Variants in ARMC2 observed in about 807,000 individuals in gnomAD.
The protein encoded by ARMC2 is armadillo repeat-containing protein 2.
ARMC2 carries 67 observed loss-of-function variants against 90.3 expected under a neutral mutation model. The observed-to-expected ratio is 0.74, with a 90% CI of 0.61 to 0.91. The LOEUF is 0.91. Ranked by LOEUF, ARMC2 falls within the 40% of genes least tolerant of loss-of-function variation. The pLI, the probability that ARMC2 is intolerant of heterozygous loss-of-function variation, is 0.00. For synonymous variants in ARMC2, 393 were observed against 393.0 expected (o/e 1.00, Z 0.00); for missense variants, 920 against 1,030.9 (o/e 0.89, Z 1.47).
intron 16 of ARMC2, 98 bp downstream of exon 16, chr6:108,964,410 T>C: frequency 7.3e-7 from 1 of 1,371,476 alleles, no homozygotes; most frequent in Non-Finnish European, 9.9e-7. Context: ...GGGGCAAAGG[T>C]ATTTCAACAT....
downstream of ARMC2, among the ~76,000 whole-genome samples, chr6:108,975,058 G>C (rs2145766): frequency 0.19 from 28,153 of 151,500 alleles, 3,098 homozygotes; most frequent in African/African-American, 0.3. Context: ...GCAGAATGTG[G>C]AGGTTTGTTA....
chr6:108,880,732 C>T (rs1374055253), intron 5 of ARMC2, among the ~76,000 whole-genome samples: 4 of 148,044 alleles, frequency 2.7e-5, no homozygotes, highest in Non-Finnish European at 6.0e-5. Flanking sequence ...CCCCTTCCCT[C>T]TCCCTCTTCT....
intron 8 of ARMC2, among the ~76,000 whole-genome samples, chr6:108,910,242 T>C (rs1773272942): frequency 6.6e-6 from 1 of 152,064 alleles, no homozygotes; most frequent in African/African-American, 2.4e-5. Context: ...GGTGGGAGGA[T>C]TGTTTGAGCC....
chr6:109,003,214 A>T, the ARMC2 span, among the ~76,000 whole-genome samples: 50 of 151,634 alleles, frequency 3.3e-4, no homozygotes, highest in South Asian at 3.7e-3. Context: ...TCATTTAAAA[A>T]TTTTTTTTAG....
intron 11 of ARMC2, among the ~76,000 whole-genome samples, chr6:108,935,849 C>CA (rs1176413910): frequency 6.6e-6 from 1 of 151,174 alleles, no homozygotes; most frequent in Non-Finnish European, 1.5e-5. Flanking sequence ...CTTACATTTC[C>CA]AAAAAAAAGG....
intron 13 of ARMC2, 108 bp from the exon 14 acceptor site, chr6:108,961,464 C>T (rs1204505617): frequency 4.0e-6 from 5 of 1,258,838 alleles, no homozygotes; most frequent in Non-Finnish European, 5.4e-6. Flanking sequence ...TTGTAGGGAC[C>T]CTGCGTGATC....
chr6:108,854,784 G>C (rs893001686), intron 2 of ARMC2, among the ~76,000 whole-genome samples: 4 of 152,138 alleles, frequency 2.6e-5, no homozygotes, highest in African/African-American at 9.7e-5. Context: ...TTCACTCTTG[G>C]TGTTGTACAT....
the ARMC2 span, among the ~76,000 whole-genome samples, chr6:109,032,007 A>C: frequency 6.6e-6 from 1 of 152,304 alleles, no homozygotes; most frequent in African/African-American, 2.4e-5. Flanking sequence ...GGCATAAATA[A>C]AATTTCGTGT....
At chr6:108,993,048 T>C in the ARMC2 span, 1 of 580,746 alleles carries the variant, frequency 1.7e-6, no homozygotes, top group Admixed American at 3.3e-5. Flanking sequence ...CAAAGTAGTT[T>C]ACTTGCTAGT....
intron 5 of ARMC2, among the ~76,000 whole-genome samples, chr6:108,878,145 CATTAATG>C (rs1368630193): frequency 2.6e-5 from 4 of 152,184 alleles, no homozygotes; most frequent in Admixed American, 2.6e-4. Context: ...GCAATTCTTT[CATTAATG>C]ATGTTAATGA....
intron 1 of ARMC2, among the ~76,000 whole-genome samples, chr6:108,852,089 T>A (rs1245132181): frequency 1.3e-5 from 2 of 152,172 alleles, no homozygotes; most frequent in Non-Finnish European, 2.9e-5. Context: ...GACTATTGTG[T>A]TATGGTTCAG....
intron 12 of ARMC2, among the ~76,000 whole-genome samples, chr6:108,952,317 T>C (rs1777250427): frequency 6.6e-6 from 1 of 152,242 alleles, no homozygotes; most frequent in Admixed American, 6.5e-5. Flanking sequence ...TTGTGAAATA[T>C]AGCCTATATA....
chr6:108,892,534 C>T (rs1043057675), intron 5 of ARMC2, among the ~76,000 whole-genome samples: 8 of 151,660 alleles, frequency 5.3e-5, no homozygotes, highest in South Asian at 4.1e-4. Context: ...CCGAGGCAGG[C>T]GGATCACCTG....
At chr6:109,028,519 C>T in the ARMC2 span, among the ~76,000 whole-genome samples, 2 of 152,016 alleles carry the variant, frequency 1.3e-5, no homozygotes, top group South Asian at 4.2e-4. Context: ...TATATTAACT[C>T]CATGCAGCAA....
At chr6:108,939,402 C>G (rs943066340) in intron 12 of ARMC2, among the ~76,000 whole-genome samples, 1 of 151,976 alleles carries the variant, frequency 6.6e-6, no homozygotes, top group African/African-American at 2.4e-5. Context: ...AGCACCATCC[C>G]CCTGGTGCTG....
intron 7 of ARMC2, 130 bp downstream of exon 7, chr6:108,899,922 C>T: frequency 2.9e-6 from 2 of 694,420 alleles, no homozygotes; most frequent in South Asian, 3.8e-5. Flanking sequence ...TGAACATGTT[C>T]AAAAACAAAT....
At chr6:108,957,156 T>G (rs563336205) in intron 13 of ARMC2, among the ~76,000 whole-genome samples, 1 of 152,326 alleles carries the variant, frequency 6.6e-6, no homozygotes, top group South Asian at 2.1e-4. Flanking sequence ...CTTAGGCAGT[T>G]GTTTGGGCAA....
At chr6:108,869,913 A>T (rs1020844435) in intron 4 of ARMC2, among the ~76,000 whole-genome samples, 11 of 152,206 alleles carry the variant, frequency 7.2e-5, no homozygotes, top group African/African-American at 2.2e-4. Flanking sequence ...GCATTTTTAA[A>T]AAATGAAGTA....
chr6:108,941,429 C>G (rs187135983), intron 12 of ARMC2, among the ~76,000 whole-genome samples: 66 of 152,242 alleles, frequency 4.3e-4, no homozygotes, highest in African/African-American at 1.5e-3. Flanking sequence ...CAAATCTTAG[C>G]GATAAGGTAT....
Sources: gnomAD v4.1 joint callset for allele counts (sites outside exome capture counted in the v4.1 genomes callset) on GRCh38, gnomAD v4.1.1 for gene constraint, MANE v1.5 for transcripts, NCBI Gene and HGNC (gene_info 2026-07-23, HGNC 2026-07-21) for gene names.